LRP6: variants seen among roughly 807,000 people sequenced by gnomAD.
The protein encoded by LRP6 is low-density lipoprotein receptor-related protein 6.
In LRP6, 43 loss-of-function variants were observed where a neutral mutation model predicts 184.1. That is an observed-to-expected ratio of 0.23 (90% CI 0.18 to 0.30). The LOEUF (loss-of-function observed/expected upper bound fraction) is 0.30. LRP6 is among the 10% of genes least tolerant of loss of function. The pLI is 1.00. For missense variants in LRP6, 1,571 were observed against 2,005.3 expected, an observed-to-expected ratio of 0.78 and a Z score of 4.14; for synonymous variants, 719 against 684.9, an observed-to-expected ratio of 1.05 and a Z score of -0.78.
At chr12:12,172,085 C>A (rs568989128) in intron 7 of LRP6, among the ~76,000 whole-genome samples, 1 of 152,308 alleles carries the variant, frequency 6.6e-6, no homozygotes, top group Non-Finnish European at 1.5e-5. Context: ...TTAATTAAAT[C>A]TGACAACTCT....
At chr12:12,251,016 C>A (rs1865311583) in intron 1 of LRP6, among the ~76,000 whole-genome samples, 1 of 151,966 alleles carries the variant, frequency 6.6e-6, no homozygotes, top group Non-Finnish European at 1.5e-5. Flanking sequence ...ATGTAACCTT[C>A]ACCTCCCAGG....
At chr12:12,143,244 A>T (rs548931274) in intron 15 of LRP6, among the ~76,000 whole-genome samples, 1 of 152,326 alleles carries the variant, frequency 6.6e-6, no homozygotes, top group East Asian at 1.9e-4. Flanking sequence ...TGAAAATTAT[A>T]AAACATTAAG....
intron 7 of LRP6, among the ~76,000 whole-genome samples, chr12:12,169,234 G>GATGATAATAATA (rs1555110242): frequency 1.3e-5 from 2 of 148,706 alleles, no homozygotes; most frequent in Non-Finnish European, 1.5e-5. Context: ...GCCTCAAAAT[G>GATGATAATAATA]ATAATAATAA....
At chr12:12,177,365 C>T (rs56990474) in intron 7 of LRP6, among the ~76,000 whole-genome samples, 1,694 of 152,206 alleles carry the variant, frequency 0.011, 23 homozygotes, top group African/African-American at 0.039. Flanking sequence ...CTAGCAAATA[C>T]ACTTCTTGGA....
In LRP6 at chr12:12,181,135, T is replaced by C. The variant is rs764728064; in HGVS notation, c.1281A>G (p.Ile427Met). 1.9e-6 allele frequency: 3 copies of C among 1,614,026 alleles called. No individual in the cohort carries two copies. Among genetic ancestry groups the C allele is most frequent in the Non-Finnish European group, 2.5e-6 (3 of 1,179,990 alleles). The change falls in exon 6 of 23, where the codon ATA (isoleucine) becomes ATG (methionine). Residue 427 changes from isoleucine (I) to methionine (M), a missense_variant. Around this residue, in one of 4 missense-constraint regions of LRP6, gnomAD observed 640 missense variants for 851.9 expected, o/e 0.75. Transcript: ENST00000261349. ...LYWTDTGTDR[I>M]EVTRLNGTMR... ...TGGTCCCATTGAGCCTTGTCACTTC[T>C]ATTCGATCAGTGCCAGTGTCTGTCC...
At chr12:12,242,330 G>C (rs183476986) in intron 2 of LRP6, among the ~76,000 whole-genome samples, 2 of 152,248 alleles carry the variant, frequency 1.3e-5, no homozygotes, top group Admixed American at 1.3e-4. Context: ...TCTCCAACCA[G>C]AGTACAAAAT....
intron 3 of LRP6, among the ~76,000 whole-genome samples, chr12:12,199,750 G>A (rs2137034201): frequency 6.6e-6 from 1 of 151,926 alleles, no homozygotes; most frequent in Middle Eastern, 3.4e-3. Context: ...CGGATCACGA[G>A]GTAAGGAGTT....
At position 12,175,696 on chromosome 12, in the gene LRP6, A is replaced by AAAAAT. The variant is rs71435896; in HGVS notation, c.1545+4109_1545+4113dup. Among the ~76,000 whole-genome samples the AAAAAT allele has an allele frequency of 6.1e-3, 862 of 142,382 alleles. 4 individuals carry two copies. Among genetic ancestry groups the AAAAAT allele is most frequent in the African/African-American group, 5.3e-3 (209 of 39,076 alleles). 93.4% of individuals were successfully genotyped at this position (142,382 alleles called of 152,430 possible). ...ACAGAGCGAGACTCCGTCTCAAATAAAAAATAAAATAAAATAAAATAAAAT... is the reference window on the plus strand; with the variant it reads ...ACAGAGCGAGACTCCGTCTCAAATAAAAAATAAAATAAAATAAAATAAAATAAAAT... On this transcript the variant is annotated intron_variant, in intron 7 of 22. Transcript: ENST00000261349.
chr12:12,143,091 A>C (rs1490093002), intron 15 of LRP6, among the ~76,000 whole-genome samples: 1 of 152,170 alleles, frequency 6.6e-6, no homozygotes, highest in Non-Finnish European at 1.5e-5. Flanking sequence ...CTAGAAGGAG[A>C]AAAAAAGAAA....
At chr12:12,240,389 T>C (rs1801087976) in intron 2 of LRP6, among the ~76,000 whole-genome samples, 2 of 151,926 alleles carry the variant, frequency 1.3e-5, no homozygotes, top group African/African-American at 4.8e-5. Flanking sequence ...CTGGCTAACA[T>C]GGCAAAACCC....
intron 7 of LRP6, among the ~76,000 whole-genome samples, chr12:12,169,631 T>C (rs904935801): frequency 1.3e-5 from 2 of 152,324 alleles, no homozygotes; most frequent in East Asian, 3.9e-4. Context: ...GTATTAAGAA[T>C]GGCACAGTGG....
chr12:12,261,216 C>A (rs12820350), intron 1 of LRP6, among the ~76,000 whole-genome samples: 22,586 of 152,018 alleles, frequency 0.15, 1,887 homozygotes, highest in Non-Finnish European at 0.19. Flanking sequence ...ATCAGGAGAT[C>A]GAGACCATCC....
intron 9 of LRP6, among the ~76,000 whole-genome samples, chr12:12,164,010 G>T (rs1177669112): frequency 6.6e-6 from 1 of 151,988 alleles, no homozygotes; most frequent in Admixed American, 6.6e-5. Context: ...CGCACCTGTA[G>T]TCCTAGCTGC....
At chr12:12,227,719 C>T (rs971621573) in intron 2 of LRP6, among the ~76,000 whole-genome samples, 1 of 152,026 alleles carries the variant, frequency 6.6e-6, no homozygotes, top group African/African-American at 2.4e-5. Flanking sequence ...TTTTCTTATT[C>T]TTAATTGAGC....
rs758212967 is a variant in LRP6, at chr12:12,244,467, T to C, written c.244A>G (p.Lys82Glu). 3.7e-6 allele frequency: 6 copies of C among 1,614,092 alleles called. No individual in the cohort carries two copies. The East Asian group carries it at 8.9e-5, about 24-fold the overall frequency. The part of the protein sequence containing the change: ...EEAIKRTEFN[K>E]TESVQNVVVS... Reference sequence around the variant, plus strand: ...ACAACATTCTGCACACTCTCAGTTTTGTTAAATTCTGTTCGTTTAATGGCT... The same window carrying C: ...ACAACATTCTGCACACTCTCAGTTTCGTTAAATTCTGTTCGTTTAATGGCT... The change falls in exon 2 of 23, where the codon AAA becomes GAA. Residue 82 changes from lysine (K) to glutamate (E), a missense_variant. Lys to Glu is a moderately conservative substitution (Grantham distance 56, BLOSUM62 1). Transcript: ENST00000261349.
chr12:12,173,632 C>T (rs1281560704), intron 7 of LRP6, among the ~76,000 whole-genome samples: 1 of 152,080 alleles, frequency 6.6e-6, no homozygotes, highest in Non-Finnish European at 1.5e-5. Flanking sequence ...AGTGCACTAC[C>T]ACGCCCAGCT....
chr12:12,198,468 T>A (rs1270164252), intron 3 of LRP6, among the ~76,000 whole-genome samples: 1 of 151,896 alleles, frequency 6.6e-6, no homozygotes, highest in Non-Finnish European at 1.5e-5. Flanking sequence ...TCTAGTTTTC[T>A]TTTCTGAAGT....
chr12:12,174,118 CTT>C (rs371537696), intron 7 of LRP6, among the ~76,000 whole-genome samples: 1 of 144,168 alleles, frequency 6.9e-6, no homozygotes, highest in African/African-American at 2.5e-5. Flanking sequence ...ATCAATCTTT[CTT>C]TTTTTTTTTT....
chr12:12,206,019 G>A (rs34201398), intron 2 of LRP6, among the ~76,000 whole-genome samples: 18,783 of 152,144 alleles, frequency 0.12, 1,441 homozygotes, highest in Non-Finnish European at 0.17. Flanking sequence ...TACTTACCAT[G>A]GTGTTATGAC....
Sources: allele counts gnomAD v4.1 joint callset (sites outside exome capture counted in the v4.1 genomes callset), GRCh38; gene constraint gnomAD v4.1.1; regional missense constraint gnomAD v4.1.1; transcripts MANE v1.5; gene names NCBI Gene and HGNC (gene_info 2026-07-23, HGNC 2026-07-21).